ST6GALNAC3: variants seen among roughly 807,000 people sequenced by gnomAD.
The protein encoded by ST6GALNAC3 is ST6 N-acetylgalactosaminide alpha-2,6-sialyltransferase 3.
ST6GALNAC3 carries 25 observed loss-of-function variants against 32.7 expected under a neutral mutation model. The observed-to-expected ratio is 0.76, with a 90% CI of 0.56 to 1.07. The LOEUF is 1.07. Among genes scored for constraint, ST6GALNAC3 ranks in the 50% least tolerant of loss-of-function variants. The pLI is 0.00. For synonymous variants in ST6GALNAC3, 129 were observed against 133.1 expected (o/e 0.97, Z 0.21); for missense variants, 355 against 382.4 (o/e 0.93, Z 0.60).
intron 3 of ST6GALNAC3, among the ~76,000 whole-genome samples, chr1:76,546,240 A>G (rs1664293650): frequency 6.6e-6 from 1 of 152,216 alleles, no homozygotes; most frequent in South Asian, 2.1e-4. Context: ...AGCACCTAGC[A>G]TAATACTCAA....
intron 3 of ST6GALNAC3, among the ~76,000 whole-genome samples, chr1:76,512,285 C>A (rs1305968844): frequency 6.6e-6 from 1 of 152,128 alleles, no homozygotes; most frequent in Non-Finnish European, 1.5e-5. Context: ...CACAGGTAAT[C>A]CCTAATAAGA....
chr1:76,163,798 G>C (rs1405031650), intron 1 of ST6GALNAC3, among the ~76,000 whole-genome samples: 1 of 152,186 alleles, frequency 6.6e-6, no homozygotes, highest in Non-Finnish European at 1.5e-5. Flanking sequence ...TCATTTACCT[G>C]ATGTTGGCAT....
chr1:76,082,106 G>C (rs1198341715), intron 1 of ST6GALNAC3, among the ~76,000 whole-genome samples: 3 of 152,252 alleles, frequency 2.0e-5, no homozygotes, highest in East Asian at 3.8e-4. Flanking sequence ...ACTGAGCGAA[G>C]TTATGAAAGC....
intron 3 of ST6GALNAC3, among the ~76,000 whole-genome samples, chr1:76,549,639 A>G (rs1172349921): frequency 6.6e-6 from 1 of 152,172 alleles, no homozygotes; most frequent in Non-Finnish European, 1.5e-5. Flanking sequence ...AATGCCACAT[A>G]CAATTAACAT....
intron 3 of ST6GALNAC3, among the ~76,000 whole-genome samples, chr1:76,497,545 A>C (rs61771557): frequency 0.13 from 19,972 of 152,204 alleles, 2,662 homozygotes; most frequent in African/African-American, 0.34. Flanking sequence ...TCAACCTAGT[A>C]TTTAGAAAAG....
At chr1:76,206,807 G>T (rs1188908288) in intron 1 of ST6GALNAC3, among the ~76,000 whole-genome samples, 1 of 152,030 alleles carries the variant, frequency 6.6e-6, no homozygotes, top group Non-Finnish European at 1.5e-5. Context: ...TAACAGTAAA[G>T]ATACTGCTTT....
intron 3 of ST6GALNAC3, among the ~76,000 whole-genome samples, chr1:76,530,608 T>G (rs1301041659): frequency 6.6e-6 from 1 of 152,230 alleles, no homozygotes; most frequent in Non-Finnish European, 1.5e-5. Flanking sequence ...TTTGGTCAGA[T>G]AGCACAGTAT....
At chr1:76,599,378 C>G (rs183069419) in intron 3 of ST6GALNAC3, among the ~76,000 whole-genome samples, 254 of 152,044 alleles carry the variant, frequency 1.7e-3, no homozygotes, top group African/African-American at 5.7e-3. Context: ...TTTTCTGCAC[C>G]CATCCACCCA....
chr1:76,509,681 C>A lies in ST6GALNAC3; in HGVS notation c.623+97264C>A, dbSNP rs2101751595. 6.6e-6 allele frequency among the ~76,000 whole-genome samples: 1 copy of A among 152,314 alleles called. No individual in the cohort carries two copies. The highest frequency in any genetic ancestry group is 3.4e-3 in the Middle Eastern group (1 of 294). ...ATGGGTTGTTAGGGCTGCATTCCTT[C>A]TGGAAGATCCAAGGGAGAATCTATT... On this transcript the variant is annotated intron_variant, in intron 3 of 4. Transcript: ENST00000328299. The surrounding 1 kb of genome is among the most constrained non-coding windows in gnomAD (Gnocchi z 5.5).
intron 1 of ST6GALNAC3, among the ~76,000 whole-genome samples, chr1:76,222,930 G>C (rs1557707493): frequency 6.6e-6 from 1 of 152,176 alleles, no homozygotes; most frequent in Non-Finnish European, 1.5e-5. Context: ...GGAGAAAAGG[G>C]AACACTTATA....
rs142952239 is a variant in ST6GALNAC3 at position 76,202,231 on chromosome 1, C to A, written c.19-111574C>A. ...AAGCATTGATGCTTCCAAGCCAATT[C>A]TTTAAAGAGGTGTGGGTGGAGAGTG... On this transcript the variant is annotated intron_variant, in intron 1 of 4. Transcript: ENST00000328299. Among the ~76,000 whole-genome samples, 372 of 150,678 alleles carry A rather than the reference C, an allele frequency of 2.5e-3. 3 individuals carry two copies. Among genetic ancestry groups the A allele is most frequent in the Middle Eastern group, 0.017 (5 of 288 alleles).
At chr1:76,125,201 T>C (rs1649161790) in intron 1 of ST6GALNAC3, among the ~76,000 whole-genome samples, 1 of 152,224 alleles carries the variant, frequency 6.6e-6, no homozygotes, top group African/African-American at 2.4e-5. Flanking sequence ...GGTTTCCATC[T>C]GCTGGAATCC....
intron 1 of ST6GALNAC3, among the ~76,000 whole-genome samples, chr1:76,156,857 A>C (rs945280839): frequency 6.6e-6 from 1 of 152,038 alleles, no homozygotes; most frequent in Non-Finnish European, 1.5e-5. Flanking sequence ...TCAGCCTCCC[A>C]AGTAGCTGGG....
At chr1:76,482,139 TAC>T (rs368648490) in intron 3 of ST6GALNAC3, among the ~76,000 whole-genome samples, 226 of 146,626 alleles carry the variant, frequency 1.5e-3, no homozygotes, top group Middle Eastern at 3.5e-3. Flanking sequence ...AAATTTTCTT[TAC>T]ACACACACAC....
rs186317748 is a variant in ST6GALNAC3, at chr1:76,583,459, G to T, written c.624-43993G>T. ...AAGATCAGCAGGAAATTAGGGATTG[G>T]TATAAGTCCTTTTGACATTCTGAAG... On this transcript the variant is annotated intron_variant, in intron 3 of 4. Transcript: ENST00000328299. Among the ~76,000 whole-genome samples, 40 of 152,248 alleles carry T rather than the reference G, an allele frequency of 2.6e-4. No individual in the cohort carries two copies. In the East Asian group the frequency reaches 6.2e-3, roughly 24 times the overall value.
chr1:76,559,876 G>A (rs1247905092), intron 3 of ST6GALNAC3, among the ~76,000 whole-genome samples: 2 of 152,114 alleles, frequency 1.3e-5, no homozygotes, highest in African/African-American at 2.4e-5. Context: ...CACAGCAACT[G>A]TGACACATTT....
intron 1 of ST6GALNAC3, among the ~76,000 whole-genome samples, chr1:76,244,187 A>G (rs112380401): frequency 0.026 from 3,904 of 151,606 alleles, 159 homozygotes; most frequent in African/African-American, 0.09. Context: ...ATATTCCTAG[A>G]TATTTTATTC....
intron 3 of ST6GALNAC3, among the ~76,000 whole-genome samples, chr1:76,515,784 A>C (rs148509281): frequency 2.9e-4 from 44 of 152,072 alleles, no homozygotes; most frequent in Non-Finnish European, 5.9e-4. Context: ...ACTTGATATG[A>C]TCTCTATGTT....
intron 1 of ST6GALNAC3, among the ~76,000 whole-genome samples, chr1:76,153,693 A>G (rs1274742122): frequency 2.0e-5 from 3 of 152,066 alleles, no homozygotes; most frequent in East Asian, 1.9e-4. Flanking sequence ...AAACATATCT[A>G]TATTTTGTTT....
Sources: allele counts gnomAD v4.1 joint callset (sites outside exome capture counted in the v4.1 genomes callset), GRCh38; gene constraint gnomAD v4.1.1; non-coding constraint Gnocchi (gnomAD v3.1); transcripts MANE v1.5; gene names NCBI Gene and HGNC (gene_info 2026-07-23, HGNC 2026-07-21).